Variants in GABRB1 observed in about 807,000 individuals in gnomAD.
GABRB1 encodes gamma-aminobutyric acid receptor subunit beta-1.
In GABRB1, 17 loss-of-function variants were observed where a neutral mutation model predicts 51.6. The observed-to-expected ratio is 0.33, with a 90% CI of 0.23 to 0.49. The LOEUF is 0.49. Ranked by LOEUF, GABRB1 falls within the 20% of genes least tolerant of loss-of-function variation. The pLI is 0.99. For missense variants in GABRB1, 410 were observed against 600.6 expected (o/e 0.68, Z 3.32); for synonymous variants, 247 against 218.9 (o/e 1.13, Z -1.14).
intron 4 of GABRB1, among the ~76,000 whole-genome samples, chr4:47,199,486 C>T (rs1164542920): frequency 6.6e-6 from 1 of 152,022 alleles, no homozygotes. Flanking sequence ...AACAGAGTAA[C>T]TCTCACAAAA....
In GABRB1 at chr4:47,153,814, C is replaced by T. The variant is rs148390202; in HGVS notation, c.241-7435C>T. On this transcript the variant is annotated intron_variant, in intron 3 of 8. Coordinates refer to ENST00000295454, the MANE Select transcript of GABRB1 (RefSeq NM_000812.4). ...AAGTCTGACTACACAGTTGGGTAGA[C>T]CAAATGGGGCTATTTAGGATGCGAC... 4.6e-5 allele frequency among the ~76,000 whole-genome samples: 7 copies of T among 152,022 alleles called. No homozygotes were observed. The East Asian group carries it at 1.4e-3, about 29-fold the overall frequency.
rs561044007 is a variant in GABRB1 at position 47,175,377 on chromosome 4, G to A, written c.461+13908G>A. On this transcript the variant is annotated intron_variant, in intron 4 of 8. Coordinates refer to ENST00000295454, the MANE Select transcript of GABRB1 (RefSeq NM_000812.4). The stretch of plus-strand genomic sequence containing the variant: ...CAGCCCTGTAATCTTTTTTAAAAGA[G>A]TCTGTTCCTTGTATTTCTTTTTCCT... Among the ~76,000 whole-genome samples the A allele has an allele frequency of 1.2e-4, 18 of 152,042 alleles. No individual in the cohort carries two copies. The South Asian group carries it at 3.5e-3, about 30-fold the overall frequency.
At chr4:47,358,459 A>G (rs1726672388) in intron 5 of GABRB1, among the ~76,000 whole-genome samples, 1 of 151,934 alleles carries the variant, frequency 6.6e-6, no homozygotes, top group African/African-American at 2.4e-5. Context: ...GAAATCACTC[A>G]TGTAACTGTA....
intron 4 of GABRB1, among the ~76,000 whole-genome samples, chr4:47,197,638 A>T (rs1057128455): frequency 6.6e-6 from 1 of 152,206 alleles, no homozygotes; most frequent in Admixed American, 6.5e-5. Context: ...AAAAGTTATG[A>T]TTCTCCCACT....
At position 47,425,796 on chromosome 4, in the gene GABRB1, C is replaced by T. The variant is rs1298503122; in HGVS notation, c.1203C>T (p.Ser401=). ...CCATGTACTCCTATGACAGCGCCAG[C>T]ATCCAGTACCGCAAGCCCCTGAGCA... The part of the protein sequence containing the change: ...KATMYSYDSA[S]IQYRKPLSSR... Residue 401 remains serine (S), a synonymous_variant, in exon 9 of 9, where the codon AGC becomes AGT. Coordinates refer to ENST00000295454, the MANE Select transcript of GABRB1 (RefSeq NM_000812.4). 6.2e-7 allele frequency: 1 copy of T among 1,614,166 alleles called. No individual in the cohort carries two copies. The highest frequency in any genetic ancestry group is 1.3e-5 in the African/African-American group (1 of 75,064).
intron 5 of GABRB1, among the ~76,000 whole-genome samples, chr4:47,341,919 G>A (rs540797398): frequency 4.3e-4 from 65 of 152,196 alleles, no homozygotes; most frequent in Middle Eastern, 3.4e-3. Flanking sequence ...GGGAACACAA[G>A]CACTTATAAC....
At chr4:47,342,798 T>A (rs1453477795) in intron 5 of GABRB1, among the ~76,000 whole-genome samples, 1 of 152,080 alleles carries the variant, frequency 6.6e-6, no homozygotes, top group African/African-American at 2.4e-5. Context: ...CAAAATGATG[T>A]CACTAAGGGG....
At chr4:47,371,976 A>G (rs1016129349) in intron 5 of GABRB1, among the ~76,000 whole-genome samples, 29 of 152,034 alleles carry the variant, frequency 1.9e-4, no homozygotes, top group African/African-American at 7.0e-4. Flanking sequence ...TTTTCGTTGC[A>G]ATTGCTTTTG....
At chr4:47,125,717 G>A (rs1004627361) in intron 3 of GABRB1, among the ~76,000 whole-genome samples, 3 of 147,432 alleles carry the variant, frequency 2.0e-5, no homozygotes, top group Middle Eastern at 3.6e-3. Context: ...CACTACGCCC[G>A]GCTAATTTTT....
At chr4:47,377,588 G>A (rs1212710673) in intron 5 of GABRB1, among the ~76,000 whole-genome samples, 1 of 152,068 alleles carries the variant, frequency 6.6e-6, no homozygotes, top group Non-Finnish European at 1.5e-5. Context: ...GACCCAAGCG[G>A]GTTGCCACTG....
intron 5 of GABRB1, among the ~76,000 whole-genome samples, chr4:47,391,876 CT>C: frequency 6.6e-6 from 1 of 152,142 alleles, no homozygotes; most frequent in Middle Eastern, 3.4e-3. Flanking sequence ...AAAGAAGGCC[CT>C]TTTCTTCAAA....
At chr4:47,136,505 C>A (rs1210305851) in intron 3 of GABRB1, among the ~76,000 whole-genome samples, 1 of 103,834 alleles carries the variant, frequency 9.6e-6, no homozygotes, top group Non-Finnish European at 1.8e-5. Flanking sequence ...GTCTCTCTTA[C>A]AAAGACCAAA....
intron 3 of GABRB1, among the ~76,000 whole-genome samples, chr4:47,040,781 A>G (rs973548835): frequency 1.3e-5 from 2 of 152,128 alleles, no homozygotes; most frequent in African/African-American, 4.8e-5. Flanking sequence ...GGTTAGAGAT[A>G]GGGAGAAAGG....
intron 8 of GABRB1, among the ~76,000 whole-genome samples, chr4:47,425,396 C>CACAT (rs1553884601): frequency 2.1e-5 from 3 of 143,800 alleles, no homozygotes; most frequent in African/African-American, 7.8e-5. Context: ...CACACACACA[C>CACAT]ACACACACAC....
intron 5 of GABRB1, among the ~76,000 whole-genome samples, chr4:47,400,392 G>A (rs1728334668): frequency 6.6e-6 from 1 of 152,094 alleles, no homozygotes; most frequent in African/African-American, 2.4e-5. Context: ...GGGCTACTGG[G>A]TTCCTTATAT....
intron 1 of GABRB1, among the ~76,000 whole-genome samples, chr4:47,015,299 T>C (rs756824498): frequency 3.3e-5 from 5 of 152,202 alleles, no homozygotes; most frequent in Admixed American, 3.3e-4. Flanking sequence ...AATAACAATA[T>C]GTTTCAAAGA....
At chr4:47,080,300 A>G (rs1727771626) in intron 3 of GABRB1, among the ~76,000 whole-genome samples, 1 of 149,954 alleles carries the variant, frequency 6.7e-6, no homozygotes, top group Admixed American at 6.7e-5. Flanking sequence ...AGAATGAAGA[A>G]AAAAAAAAAA....
At position 47,249,309 on chromosome 4, in the gene GABRB1, G is replaced by A. The variant is rs142790961; in HGVS notation, c.462-70818G>A. 7.3e-3 allele frequency among the ~76,000 whole-genome samples: 1,118 copies of A among 152,112 alleles called. 9 individuals carry two copies. Among genetic ancestry groups the A allele is most frequent in the African/African-American group, 0.025 (1,059 of 41,532 alleles). On this transcript the variant is annotated intron_variant, in intron 4 of 8. Transcript: ENST00000295454. Reference sequence around the variant, plus strand: ...CAGGTTATTTAATTTCCATGTATTTGCATGGTTTTGAAGGTTCCTTTTGGA... The same window carrying A: ...CAGGTTATTTAATTTCCATGTATTTACATGGTTTTGAAGGTTCCTTTTGGA...
intron 4 of GABRB1, among the ~76,000 whole-genome samples, chr4:47,280,032 T>C (rs1723224419): frequency 6.6e-6 from 1 of 152,086 alleles, no homozygotes; most frequent in Non-Finnish European, 1.5e-5. Flanking sequence ...TGGCATTTTG[T>C]TAATTGTTTC....
Sources: allele counts gnomAD v4.1 joint callset (sites outside exome capture counted in the v4.1 genomes callset), GRCh38; gene constraint gnomAD v4.1.1; transcripts MANE v1.5; gene names NCBI Gene and HGNC (gene_info 2026-07-23, HGNC 2026-07-21).